The following EXOC6B variants were observed in gnomAD, a reference collection of about 807,000 sequenced individuals.
EXOC6B encodes SEC15 homolog B.
A neutral mutation model predicts 113.5 loss-of-function variants in EXOC6B; 54 were observed. The observed-to-expected ratio is 0.48, with a 90% CI of 0.38 to 0.60. The LOEUF is 0.60. EXOC6B is among the 20% of genes least tolerant of loss of function. EXOC6B has a pLI of 0.00. For synonymous variants in EXOC6B, 357 were observed against 339.0 expected, an observed-to-expected ratio of 1.05 and a Z score of -0.58; for missense variants, 797 against 977.5, an observed-to-expected ratio of 0.82 and a Z score of 2.46.
At chr2:72,281,684 AG>A (rs1427285487) in intron 20 of EXOC6B, among the ~76,000 whole-genome samples, 2 of 152,160 alleles carry the variant, frequency 1.3e-5, no homozygotes, top group Admixed American at 6.5e-5. Context: ...GACAATTTGA[AG>A]ATATAATAAC....
intron 1 of EXOC6B, among the ~76,000 whole-genome samples, chr2:72,797,694 AT>A (rs1216809021): frequency 6.6e-6 from 1 of 152,098 alleles, no homozygotes; most frequent in Non-Finnish European, 1.5e-5. Context: ...GGCACCTGTA[AT>A]CCCAGCTACT....
At chr2:72,184,820 C>T (rs926130391) in intron 20 of EXOC6B, among the ~76,000 whole-genome samples, 3 of 152,176 alleles carry the variant, frequency 2.0e-5, no homozygotes, top group Non-Finnish European at 2.9e-5. Context: ...ATATGTGTTA[C>T]GTCTATGCAG....
intron 6 of EXOC6B, among the ~76,000 whole-genome samples, chr2:72,587,424 G>T (rs1361851083): frequency 1.3e-5 from 2 of 152,166 alleles, no homozygotes; most frequent in African/African-American, 2.4e-5. Flanking sequence ...AATAAAGGGG[G>T]AGAGAAAGGA....
At chr2:72,654,891 G>A (rs886935253) in intron 6 of EXOC6B, among the ~76,000 whole-genome samples, 1 of 152,142 alleles carries the variant, frequency 6.6e-6, no homozygotes, top group African/African-American at 2.4e-5. Context: ...TTCCAATAAA[G>A]AGACAGGAAT....
intron 7 of EXOC6B, among the ~76,000 whole-genome samples, chr2:72,566,618 G>A (rs932492493): frequency 9.9e-5 from 15 of 152,038 alleles, no homozygotes; most frequent in African/African-American, 3.4e-4. Flanking sequence ...TTTCCAAAGC[G>A]ACTCTATCAT....
At chr2:72,664,161 A>G (rs1164834210) in intron 6 of EXOC6B, among the ~76,000 whole-genome samples, 3 of 152,148 alleles carry the variant, frequency 2.0e-5, no homozygotes, top group Non-Finnish European at 4.4e-5. Context: ...ATTTTTTTAA[A>G]TTAGCCAGGA....
chr2:72,583,781 C>T (rs1430109504), intron 6 of EXOC6B, among the ~76,000 whole-genome samples: 1 of 152,006 alleles, frequency 6.6e-6, no homozygotes, highest in African/African-American at 2.4e-5. Context: ...AGTGCAGTGG[C>T]ATGATCTCAG....
chr2:72,342,288 GA>G (rs1030883248), intron 19 of EXOC6B, among the ~76,000 whole-genome samples: 1 of 151,646 alleles, frequency 6.6e-6, no homozygotes, highest in African/African-American at 2.4e-5. Context: ...ATAGAGACTA[GA>G]AAAAAATAGA....
At chr2:72,746,862 C>A (rs1018270118) in intron 1 of EXOC6B, among the ~76,000 whole-genome samples, 38 of 151,952 alleles carry the variant, frequency 2.5e-4, no homozygotes, top group South Asian at 4.2e-4. Flanking sequence ...TGGCATGGGC[C>A]CCCAAAATGT....
intron 1 of EXOC6B, among the ~76,000 whole-genome samples, chr2:72,812,674 G>T (rs933141125): frequency 2.1e-5 from 3 of 145,032 alleles, no homozygotes; most frequent in Non-Finnish European, 4.6e-5. Flanking sequence ...TGGGTGACTG[G>T]GGGAGACCCC....
intron 12 of EXOC6B, among the ~76,000 whole-genome samples, chr2:72,499,463 T>C (rs1297383032): frequency 1.3e-5 from 2 of 151,864 alleles, no homozygotes; most frequent in East Asian, 3.9e-4. Flanking sequence ...ACTCCTGACC[T>C]CAAGTGATCC....
intron 6 of EXOC6B, among the ~76,000 whole-genome samples, chr2:72,608,549 A>C (rs1670883088): frequency 6.6e-6 from 1 of 152,146 alleles, no homozygotes; most frequent in African/African-American, 2.4e-5. Flanking sequence ...TAAACCAAAG[A>C]TTCTTTACAA....
intron 20 of EXOC6B, among the ~76,000 whole-genome samples, chr2:72,254,342 T>C (rs1390984701): frequency 6.6e-6 from 1 of 151,414 alleles, no homozygotes; most frequent in Non-Finnish European, 1.5e-5. Flanking sequence ...GAGACTGGAG[T>C]TATGTAAGTC....
At chr2:72,414,955 A>G (rs1694429975) in intron 18 of EXOC6B, among the ~76,000 whole-genome samples, 1 of 152,118 alleles carries the variant, frequency 6.6e-6, no homozygotes, top group African/African-American at 2.4e-5. Context: ...CATGTTGCCT[A>G]GGGTGGTCTC....
At chr2:72,713,948 G>A (rs1454324900) in intron 6 of EXOC6B, among the ~76,000 whole-genome samples, 15 of 151,932 alleles carry the variant, frequency 9.9e-5, no homozygotes, top group Admixed American at 9.9e-4. Context: ...ATTGACCTCT[G>A]GCCAATATAA....
chr2:72,265,474 AT>A (rs1481091554), intron 20 of EXOC6B, among the ~76,000 whole-genome samples: 1 of 148,744 alleles, frequency 6.7e-6, no homozygotes, highest in Admixed American at 6.8e-5. Context: ...TCATTGTTCA[AT>A]TCCCATCTCT....
intron 20 of EXOC6B, among the ~76,000 whole-genome samples, chr2:72,219,160 G>T (rs1273475485): frequency 1.3e-5 from 2 of 152,080 alleles, no homozygotes; most frequent in South Asian, 4.1e-4. Flanking sequence ...GAGAAGAGAA[G>T]GCTGAAGGGA....
At chr2:72,823,456 T>TAGG (rs1686690825) in intron 1 of EXOC6B, among the ~76,000 whole-genome samples, 1 of 36,240 alleles carries the variant, frequency 2.8e-5, no homozygotes, top group African/African-American at 8.1e-5. Context: ...ATCAAAGTTT[T>TAGG]AAGAAAAAAA....
intron 19 of EXOC6B, among the ~76,000 whole-genome samples, chr2:72,358,301 C>A (rs1288373893): frequency 6.6e-6 from 1 of 152,042 alleles, no homozygotes; most frequent in Non-Finnish European, 1.5e-5. Context: ...TATCTTGGAA[C>A]TAAATGGAAA....
Sources: gnomAD v4.1 joint callset for allele counts (sites outside exome capture counted in the v4.1 genomes callset) on GRCh38, gnomAD v4.1.1 for gene constraint, MANE v1.5 for transcripts, NCBI Gene and HGNC (gene_info 2026-07-23, HGNC 2026-07-21) for gene names.